Variants in ABLIM2 observed in about 807,000 individuals in gnomAD.
ABLIM2 encodes actin-binding LIM protein 2.
A neutral mutation model predicts 97.7 loss-of-function variants in ABLIM2; 53 were observed. The ratio of observed to expected loss-of-function variants is 0.54; its 90% CI spans 0.44 to 0.68. ABLIM2 has a LOEUF of 0.68. Among genes scored for constraint, ABLIM2 ranks in the 30% least tolerant of loss-of-function variants. The pLI, the probability that ABLIM2 is intolerant of heterozygous loss-of-function variation, is 0.00. For synonymous variants in ABLIM2, 361 were observed against 345.8 expected (o/e 1.04, Z -0.49); for missense variants, 835 against 867.2 (o/e 0.96, Z 0.47).
rs926099419 is a variant in ABLIM2 at position 8,071,134 on chromosome 4, C to T, written c.675+6494G>A. ...GGTCACACCGCTGTCCCCGTGGATT[C>T]GCCAGCTGAGTCCCAGCTCCCTCTG... is the stretch of plus-strand genomic sequence containing the variant. On this transcript the variant is annotated intron_variant, in intron 6 of 20. Coordinates refer to ENST00000447017, the MANE Select transcript of ABLIM2 (RefSeq NM_001130083.2). This position sits in a 1 kb window ranked among gnomAD's most constrained non-coding sequence, Gnocchi z 6.2. Among the ~76,000 whole-genome samples the T allele has an allele frequency of 3.3e-5, 5 of 150,628 alleles. No homozygotes were observed. Among genetic ancestry groups the T allele is most frequent in the Admixed American group, 6.6e-5 (1 of 15,072 alleles).
At position 8,044,368 on chromosome 4, in the gene ABLIM2, G is replaced by A. The variant is rs1267612360; in HGVS notation, c.900+796C>T. Reference sequence around the variant, plus strand: ...AGCCATCCCTCACCTGGCGCCTGGGGGTCCTCGCCTAGATAAGGAATTTTG... The same window carrying A: ...AGCCATCCCTCACCTGGCGCCTGGGAGTCCTCGCCTAGATAAGGAATTTTG... On this transcript the variant is annotated intron_variant, in intron 9 of 20. Transcript: ENST00000447017. This position sits in a 1 kb window ranked among gnomAD's most constrained non-coding sequence, Gnocchi z 4.4. Among the ~76,000 whole-genome samples the A allele has an allele frequency of 6.6e-6, 1 of 151,804 alleles. No homozygotes were observed. Among genetic ancestry groups the A allele is most frequent in the East Asian group, 1.9e-4 (1 of 5,164 alleles).
chr4:7,976,528 G>A (rs56357517), intron 20 of ABLIM2, among the ~76,000 whole-genome samples: 23,652 of 152,104 alleles, frequency 0.16, 2,308 homozygotes, highest in Non-Finnish European at 0.22. Flanking sequence ...GGGCCTATCC[G>A]GGCTCAGGTC....
Position 8,077,484 on chromosome 4 carries a change from A to G in ABLIM2, c.675+144T>C, listed in dbSNP as rs1030306624. Reference sequence around the variant, plus strand: ...CCCTGGACAGCTGATGAGGGTGTCCATTGGCTGAGCTGGCAGGAATAGGGA... The same window carrying G: ...CCCTGGACAGCTGATGAGGGTGTCCGTTGGCTGAGCTGGCAGGAATAGGGA... On this transcript the variant is annotated intron_variant, in intron 6 of 20. Coordinates refer to ENST00000447017, the MANE Select transcript of ABLIM2 (RefSeq NM_001130083.2). The G allele has an allele frequency of 1.6e-5, 13 of 802,248 alleles. No individual in the cohort carries two copies. The African/African-American group carries it at 2.1e-4, about 13-fold the overall frequency. 49.7% of individuals were successfully genotyped at this position (802,248 alleles called of 1,614,324 possible).
In ABLIM2 at chr4:8,023,802, C is replaced by T. The variant is rs755224287; in HGVS notation, c.1268-3499G>A. On this transcript the variant is annotated intron_variant, in intron 12 of 20. Transcript: ENST00000447017. The surrounding 1 kb of genome is among the most constrained non-coding windows in gnomAD (Gnocchi z 5.7). ...ATTTATGTAGATCCTTGTGGACTGA[C>T]GGCTCTTGCTATTATACTCTAGTTT... Among the ~76,000 whole-genome samples, 18 of 152,188 alleles carry T rather than the reference C, an allele frequency of 1.2e-4. No homozygotes were observed. Among genetic ancestry groups the T allele is most frequent in the South Asian group, 2.1e-4 (1 of 4,826 alleles).
intron 1 of ABLIM2, among the ~76,000 whole-genome samples, chr4:8,133,937 G>C (rs1849796364): frequency 6.6e-6 from 1 of 152,142 alleles, no homozygotes; most frequent in Non-Finnish European, 1.5e-5. Flanking sequence ...ACCAGAGCAA[G>C]GCACGTGGGG....
Position 8,009,138 on chromosome 4 carries a change from C to T in ABLIM2, c.1424-36G>A. 6 of 1,613,176 alleles carry T rather than the reference C, an allele frequency of 3.7e-6. 1 individual carries two copies. The East Asian group carries it at 6.7e-5, about 18-fold the overall frequency. Reference sequence around the variant, plus strand: ...AAAATCCATTTGTAAAGGCCACACACCATTGCTTGTGGGTTTCTGCCTCAT... The same window carrying T: ...AAAATCCATTTGTAAAGGCCACACATCATTGCTTGTGGGTTTCTGCCTCAT... On this transcript the variant is annotated intron_variant, in intron 14 of 20. Coordinates refer to ENST00000447017, the MANE Select transcript of ABLIM2 (RefSeq NM_001130083.2).
chr4:8,032,651 G>C lies in ABLIM2; in HGVS notation c.1048-2875C>G. ...CAGGCGAGAGGGTGGTGGTTACCTC[G>C]GTCGGCGTTGGCGAGAGCAACTGAG... On this transcript the variant is annotated intron_variant, in intron 10 of 20. Transcript: ENST00000447017. This position sits in a 1 kb window ranked among gnomAD's most constrained non-coding sequence, Gnocchi z 4.3. 1 of 1,612,488 alleles carries C rather than the reference G, an allele frequency of 6.2e-7. No homozygotes were observed. The highest frequency in any genetic ancestry group is 1.7e-5 in the Admixed American group (1 of 60,012).
intron 1 of ABLIM2, among the ~76,000 whole-genome samples, chr4:8,114,714 T>A (rs1842059852): frequency 6.6e-6 from 1 of 152,162 alleles, no homozygotes; most frequent in African/African-American, 2.4e-5. Context: ...GGCCCTCTGT[T>A]CAATCCCCCA....
chr4:7,989,072 CTT>C lies in ABLIM2; in HGVS notation c.1680+3792_1680+3793del, dbSNP rs71175445. On this transcript the variant is annotated intron_variant, in intron 17 of 20. Transcript: ENST00000447017. ...TTTTTTGTTCACTAGACACATTAGT[CTT>C]TTTTTTTTTTTTTTTTTTTTTGAGA... Among the ~76,000 whole-genome samples, 16 of 81,358 alleles carry C rather than the reference CTT, an allele frequency of 2.0e-4. No individual in the cohort carries two copies. The East Asian group carries it at 2.0e-3, about 10-fold the overall frequency. The allele number at this position is 81,358 out of a possible 152,430, so 53.4% of individuals were successfully genotyped here.
Position 8,002,243 on chromosome 4 carries a change from C to T in ABLIM2, c.1618+5816G>A, listed in dbSNP as rs1481830895. Among the ~76,000 whole-genome samples the T allele has an allele frequency of 6.6e-6, 1 of 152,178 alleles. No individual in the cohort carries two copies. Among genetic ancestry groups the T allele is most frequent in the Non-Finnish European group, 1.5e-5 (1 of 68,040 alleles). ...CCCCGGACGTCTCAGGCTCTCCAAG[C>T]CAACATGAAGACACCCACCTGTTCT... On this transcript the variant is annotated intron_variant, in intron 16 of 20. Coordinates refer to ENST00000447017, the MANE Select transcript of ABLIM2 (RefSeq NM_001130083.2). The surrounding 1 kb of genome is among the most constrained non-coding windows in gnomAD (Gnocchi z 6.1).
rs145146710 is a variant in ABLIM2 at position 8,147,362 on chromosome 4, C to T, written c.10+11318G>A. ...GTAAACAGGATGCACCAAGAGACTA[C>T]CTGTGCCCGGCTGAGTAATGCCTCC... On this transcript the variant is annotated intron_variant, in intron 1 of 20. Coordinates refer to ENST00000447017, the MANE Select transcript of ABLIM2 (RefSeq NM_001130083.2). This position sits in a 1 kb window ranked among gnomAD's most constrained non-coding sequence, Gnocchi z 5.3. Among the ~76,000 whole-genome samples, 312 of 152,282 alleles carry T rather than the reference C, an allele frequency of 2.0e-3. 3 individuals carry two copies. The highest frequency in any genetic ancestry group is 7.2e-3 in the African/African-American group (297 of 41,538).
At chr4:8,041,444 G>A (rs527247117) in intron 9 of ABLIM2, 1 of 152,276 alleles carries the variant, frequency 6.6e-6, no homozygotes, top group African/African-American at 2.4e-5. Flanking sequence ...CCTAAGCCTC[G>A]GAGTCACGGA....
chr4:8,056,959 T>C (rs1412964861), intron 7 of ABLIM2, among the ~76,000 whole-genome samples: 9 of 121,934 alleles, frequency 7.4e-5, no homozygotes, highest in Non-Finnish European at 1.6e-4. Context: ...AAAAAAAAAG[T>C]CTTGAACATT....
In ABLIM2 at chr4:8,021,475, G is replaced by GCT. The variant is rs1466936189; in HGVS notation, c.1268-1174_1268-1173dup. Among the ~76,000 whole-genome samples the GCT allele has an allele frequency of 6.6e-6, 1 of 152,236 alleles. No individual in the cohort carries two copies. Among genetic ancestry groups the GCT allele is most frequent in the African/African-American group, 2.4e-5 (1 of 41,464 alleles). ...AAGCCCCCTCAGCACTAGGCAATGGGCTGCAAGGGGTAAGGCGCTCTTCAC... is the reference window on the plus strand; with the variant it reads ...AAGCCCCCTCAGCACTAGGCAATGGGCTCTGCAAGGGGTAAGGCGCTCTTCAC... On this transcript the variant is annotated intron_variant, in intron 12 of 20. Transcript: ENST00000447017. This position sits in a 1 kb window ranked among gnomAD's most constrained non-coding sequence, Gnocchi z 5.5.
chr4:8,154,777 A>G (rs1236768328), intron 1 of ABLIM2, among the ~76,000 whole-genome samples: 1 of 152,192 alleles, frequency 6.6e-6, no homozygotes, highest in Non-Finnish European at 1.5e-5. Flanking sequence ...GGGCTCACGT[A>G]TTAGTCTGTT....
intron 1 of ABLIM2, among the ~76,000 whole-genome samples, chr4:8,126,826 G>A (rs1848180816): frequency 6.6e-6 from 1 of 152,078 alleles, no homozygotes; most frequent in Non-Finnish European, 1.5e-5. Flanking sequence ...AGCACTTTGA[G>A]AGGCTGAGAT....
chr4:8,008,407 T>C (rs193088987), intron 15 of ABLIM2, among the ~76,000 whole-genome samples: 5 of 152,204 alleles, frequency 3.3e-5, no homozygotes, highest in Admixed American at 1.3e-4. Context: ...ACATGGAGCA[T>C]CTGGGGGAAA....
At chr4:8,156,916 C>G (rs1445747330) in intron 1 of ABLIM2, among the ~76,000 whole-genome samples, 1 of 152,224 alleles carries the variant, frequency 6.6e-6, no homozygotes, top group East Asian at 1.9e-4. Context: ...GCAGGGGCGA[C>G]AGGTGGCCCG....
intron 20 of ABLIM2, 97 bp from the exon 21 acceptor site, chr4:7,967,200 T>A (rs1041149606): frequency 5.0e-6 from 5 of 1,007,186 alleles, no homozygotes; most frequent in South Asian, 4.0e-5. Context: ...AGGGGCAGGA[T>A]TGCATTGAGG....
Sources: allele counts gnomAD v4.1 joint callset (sites outside exome capture counted in the v4.1 genomes callset), GRCh38; gene constraint gnomAD v4.1.1; non-coding constraint Gnocchi (gnomAD v3.1); transcripts MANE v1.5; gene names NCBI Gene and HGNC (gene_info 2026-07-23, HGNC 2026-07-21).